The following B4GALT6 variants were observed in gnomAD, a reference collection of about 807,000 sequenced individuals.
B4GALT6 encodes the protein UDP-Gal:beta-GlcNAc beta-1,4-galactosyltransferase 6.
Under a neutral mutation model 46.3 loss-of-function variants are expected in B4GALT6, and 14 were observed. The ratio of observed to expected loss-of-function variants is 0.30; its 90% CI spans 0.20 to 0.47. The LOEUF (loss-of-function observed/expected upper bound fraction) is 0.47, where lower values mean the gene tolerates loss of function less well. Ranked by LOEUF, B4GALT6 falls within the 20% of genes least tolerant of loss-of-function variation. The pLI is 0.99. For missense variants in B4GALT6, 386 were observed against 480.1 expected, an observed-to-expected ratio of 0.80 and a Z score of 1.83; for synonymous variants, 168 against 162.0, an observed-to-expected ratio of 1.04 and a Z score of -0.28.
intron 1 of B4GALT6, among the ~76,000 whole-genome samples, chr18:31,676,534 G>C (rs915488636): frequency 2.0e-5 from 3 of 152,104 alleles, no homozygotes; most frequent in Admixed American, 2.0e-4. Flanking sequence ...ACTCATAAAG[G>C]AACACATGAT....
chr18:31,677,745 G>A (rs2074430130), intron 1 of B4GALT6, among the ~76,000 whole-genome samples: 1 of 152,192 alleles, frequency 6.6e-6, no homozygotes, highest in Non-Finnish European at 1.5e-5. Context: ...GATTCAGAGG[G>A]ACAAGGGGAA....
intron 4 of B4GALT6, among the ~76,000 whole-genome samples, chr18:31,644,303 A>G (rs113802543): frequency 0.13 from 20,458 of 152,208 alleles, 1,440 homozygotes; most frequent in African/African-American, 0.16. Flanking sequence ...CTTACCTTAC[A>G]CAAGACAATG....
intron 5 of B4GALT6, among the ~76,000 whole-genome samples, chr18:31,634,388 T>C (rs190019479): frequency 1.3e-5 from 2 of 152,362 alleles, no homozygotes; most frequent in African/African-American, 4.8e-5. Context: ...CTCCTTACTT[T>C]AGTGCAGTGC....
At chr18:31,652,738 C>T (rs901376623) in intron 3 of B4GALT6, among the ~76,000 whole-genome samples, 1 of 152,186 alleles carries the variant, frequency 6.6e-6, no homozygotes, top group African/African-American at 2.4e-5. Flanking sequence ...CTCAACTGGT[C>T]GCCACATCTG....
intron 3 of B4GALT6, among the ~76,000 whole-genome samples, chr18:31,650,115 C>T (rs1227017077): frequency 6.6e-6 from 1 of 152,200 alleles, no homozygotes; most frequent in Non-Finnish European, 1.5e-5. Flanking sequence ...TCTCCCACTC[C>T]CCTCCCATGA....
At chr18:31,643,686 G>A (rs2073957433) in intron 4 of B4GALT6, among the ~76,000 whole-genome samples, 1 of 152,126 alleles carries the variant, frequency 6.6e-6, no homozygotes, top group Non-Finnish European at 1.5e-5. Context: ...CTTTAAGTAG[G>A]AAATACTCAT....
intron 4 of B4GALT6, among the ~76,000 whole-genome samples, chr18:31,640,920 A>C (rs770277949): frequency 6.6e-6 from 1 of 152,254 alleles, no homozygotes; most frequent in African/African-American, 2.4e-5. Context: ...AAAAGGAGCA[A>C]AAGAGGTTAG....
At chr18:31,684,635 G>C (rs772171418), upstream of B4GALT6, 2 of 1,237,844 alleles carry the variant, frequency 1.6e-6, no homozygotes, top group Non-Finnish European at 2.0e-6. Flanking sequence ...CGGGGGAGGG[G>C]AGGCGCGGAG....
chr18:31,701,229 GGTGA>G, the B4GALT6 span, among the ~76,000 whole-genome samples: 1 of 152,082 alleles, frequency 6.6e-6, no homozygotes, highest in Non-Finnish European at 1.5e-5. Flanking sequence ...TTCTTGTGGT[GGTGA>G]GTGAGTAAAT....
At chr18:31,672,481 CA>C (rs951944268) in intron 1 of B4GALT6, among the ~76,000 whole-genome samples, 1 of 152,112 alleles carries the variant, frequency 6.6e-6, no homozygotes, top group Non-Finnish European at 1.5e-5. Flanking sequence ...CACAAATAGG[CA>C]GCACAAAGAT....
At chr18:31,638,371 T>C (rs11874999) in intron 5 of B4GALT6, among the ~76,000 whole-genome samples, 4,161 of 151,848 alleles carry the variant, frequency 0.027, 222 homozygotes, top group African/African-American at 0.095. Flanking sequence ...ACTAAAAATA[T>C]AAAAAATTAG....
chr18:31,696,472 T>C, the B4GALT6 span, among the ~76,000 whole-genome samples: 3 of 152,244 alleles, frequency 2.0e-5, no homozygotes, highest in Non-Finnish European at 4.4e-5. Context: ...TTTTTCACTT[T>C]TCTACATTCT....
chr18:31,626,863 T>C (rs1356714186), intron 7 of B4GALT6, 136 bp downstream of exon 7: 1 of 683,190 alleles, frequency 1.5e-6, no homozygotes, highest in Middle Eastern at 3.6e-4. Flanking sequence ...AAAAGAGAAA[T>C]ATAAAACAGG....
At chr18:31,692,016 A>G in the B4GALT6 span, among the ~76,000 whole-genome samples, 490 of 152,322 alleles carry the variant, frequency 3.2e-3, 2 homozygotes, top group African/African-American at 0.011. Flanking sequence ...ACCTGGCAAC[A>G]TTAAGCAAAT....
At chr18:31,721,176 G>T in the B4GALT6 span, among the ~76,000 whole-genome samples, 1 of 151,318 alleles carries the variant, frequency 6.6e-6, no homozygotes, top group South Asian at 2.1e-4. Context: ...ATGTCCACCG[G>T]GGCCTGTCGG....
intron 3 of B4GALT6, among the ~76,000 whole-genome samples, chr18:31,653,686 ACC>A (rs1396933850): frequency 6.6e-6 from 1 of 151,538 alleles, no homozygotes; most frequent in Non-Finnish European, 1.5e-5. Context: ...ACCTCAAGTA[ACC>A]CACCTGCCTC....
chr18:31,649,213 C>T (rs2074028726), intron 3 of B4GALT6, among the ~76,000 whole-genome samples: 1 of 152,210 alleles, frequency 6.6e-6, no homozygotes, highest in African/African-American at 2.4e-5. Context: ...AAATGCTTTA[C>T]TTAAGCTTCT....
At chr18:31,687,583 A>G (rs190316593), upstream of B4GALT6, among the ~76,000 whole-genome samples, 4 of 152,330 alleles carry the variant, frequency 2.6e-5, no homozygotes, top group Admixed American at 2.6e-4. Context: ...CAGAAATCTA[A>G]AAGTCTATTT....
chr18:31,682,678 T>C (rs1011967904), intron 1 of B4GALT6, among the ~76,000 whole-genome samples: 1 of 152,182 alleles, frequency 6.6e-6, no homozygotes, highest in Admixed American at 6.5e-5. Flanking sequence ...AACTTTAACA[T>C]GTTACTCATA....
Sources: gnomAD v4.1 joint callset for allele counts (sites outside exome capture counted in the v4.1 genomes callset) on GRCh38, gnomAD v4.1.1 for gene constraint, MANE v1.5 for transcripts, NCBI Gene and HGNC (gene_info 2026-07-23, HGNC 2026-07-21) for gene names.